The following RALYL variants were observed in gnomAD, a reference collection of about 807,000 sequenced individuals.
RALYL encodes RNA-binding Raly-like protein.
In RALYL, 29 loss-of-function variants were observed where a neutral mutation model predicts 35.1. That is an observed-to-expected ratio of 0.83 (90% CI 0.61 to 1.13). The LOEUF is 1.13. RALYL is among the 50% of genes most tolerant of loss of function. The probability of loss-of-function intolerance (pLI) is 0.00; values close to 1 mark genes in which losing one functional copy is unlikely to be tolerated. For synonymous variants in RALYL, 120 were observed against 127.6 expected (o/e 0.94, Z 0.40); for missense variants, 359 against 360.4 (o/e 1.00, Z 0.03).
intron 1 of RALYL, among the ~76,000 whole-genome samples, chr8:84,409,803 C>G (rs529748274): frequency 6.6e-6 from 1 of 151,900 alleles, no homozygotes; most frequent in Admixed American, 6.6e-5. Flanking sequence ...GAGCACAAAT[C>G]CACTTTTTCT....
At chr8:84,848,382 TTTGTG>T (rs1835089366) in intron 4 of RALYL, among the ~76,000 whole-genome samples, 2 of 151,204 alleles carry the variant, frequency 1.3e-5, no homozygotes, top group Admixed American at 6.6e-5. Flanking sequence ...TTTTAAATAT[TTTGTG>T]TGTGTGTGTG....
At chr8:84,783,662 G>A (rs530056251) in intron 3 of RALYL, among the ~76,000 whole-genome samples, 5 of 152,240 alleles carry the variant, frequency 3.3e-5, no homozygotes, top group Non-Finnish European at 5.9e-5. Flanking sequence ...CCAGGTCCTT[G>A]AGAAAGACAT....
At chr8:84,393,386 T>A (rs1861127051) in intron 1 of RALYL, among the ~76,000 whole-genome samples, 1 of 152,038 alleles carries the variant, frequency 6.6e-6, no homozygotes, top group African/African-American at 2.4e-5. Context: ...TGTGACTCCT[T>A]CATCAAAGAG....
intron 2 of RALYL, among the ~76,000 whole-genome samples, chr8:84,696,454 T>C (rs992919457): frequency 1.3e-5 from 2 of 151,896 alleles, no homozygotes; most frequent in African/African-American, 4.8e-5. Flanking sequence ...TTAAATGGTC[T>C]TAGAAGCTGG....
chr8:84,657,227 G>A (rs1830112400), intron 2 of RALYL, among the ~76,000 whole-genome samples: 1 of 152,108 alleles, frequency 6.6e-6, no homozygotes, highest in Non-Finnish European at 1.5e-5. Context: ...TCCATCTCCT[G>A]TACCGTTTAA....
At chr8:84,759,164 A>T (rs577122059) in intron 2 of RALYL, among the ~76,000 whole-genome samples, 20 of 152,138 alleles carry the variant, frequency 1.3e-4, no homozygotes, top group Admixed American at 8.5e-4. Context: ...ATGTGAATGT[A>T]CCCAGATTAT....
At chr8:84,802,851 G>T (rs1360856060) in intron 3 of RALYL, among the ~76,000 whole-genome samples, 1 of 152,120 alleles carries the variant, frequency 6.6e-6, no homozygotes, top group East Asian at 1.9e-4. Context: ...ATTTCGGAGA[G>T]ACTAACTAGG....
chr8:84,411,621 T>G (rs933077178), intron 1 of RALYL, among the ~76,000 whole-genome samples: 1 of 152,082 alleles, frequency 6.6e-6, no homozygotes, highest in East Asian at 1.9e-4. Flanking sequence ...TGTGATAATC[T>G]ATGTAAAGCA....
intron 2 of RALYL, among the ~76,000 whole-genome samples, chr8:84,552,776 T>G (rs145646564): frequency 1.3e-5 from 2 of 152,100 alleles, no homozygotes; most frequent in Admixed American, 1.3e-4. Flanking sequence ...ATGAAGTGCA[T>G]GTTCATGTCA....
intron 1 of RALYL, among the ~76,000 whole-genome samples, chr8:84,441,067 C>T (rs959137437): frequency 2.0e-5 from 3 of 151,544 alleles, no homozygotes; most frequent in Admixed American, 6.6e-5. Context: ...TATGTTTTGC[C>T]GATCTAATAG....
At chr8:84,797,072 G>T (rs1301756943) in intron 3 of RALYL, among the ~76,000 whole-genome samples, 2 of 152,150 alleles carry the variant, frequency 1.3e-5, no homozygotes, top group South Asian at 4.1e-4. Flanking sequence ...AAGTTATTTG[G>T]CTCACAGTTC....
chr8:84,490,078 CATGTGTGTGT>C (rs1383718625), intron 1 of RALYL, among the ~76,000 whole-genome samples: 145 of 91,928 alleles, frequency 1.6e-3, no homozygotes, highest in African/African-American at 4.9e-3. Flanking sequence ...TGCTTGCGTG[CATGTGTGTGT>C]GTGTGTGTGT....
At chr8:84,480,124 TA>T (rs1190466883) in intron 1 of RALYL, among the ~76,000 whole-genome samples, 16 of 152,184 alleles carry the variant, frequency 1.1e-4, no homozygotes, top group Non-Finnish European at 2.1e-4. Flanking sequence ...TTGTGTCAAA[TA>T]AATAGTATTT....
At chr8:84,572,764 A>G (rs1408035201) in intron 2 of RALYL, among the ~76,000 whole-genome samples, 1 of 151,834 alleles carries the variant, frequency 6.6e-6, no homozygotes, top group African/African-American at 2.4e-5. Flanking sequence ...AAAATGATTC[A>G]GTCTTAAGAT....
At chr8:84,557,538 G>T (rs1173040599) in intron 2 of RALYL, among the ~76,000 whole-genome samples, 2 of 152,120 alleles carry the variant, frequency 1.3e-5, no homozygotes, top group Non-Finnish European at 2.9e-5. Flanking sequence ...TAGAGCTTAT[G>T]CATTCTCTAT....
intron 1 of RALYL, among the ~76,000 whole-genome samples, chr8:84,293,956 C>G (rs1004213160): frequency 6.6e-6 from 1 of 152,050 alleles, no homozygotes; most frequent in Non-Finnish European, 1.5e-5. Context: ...ACCAAAACAA[C>G]CTGTAACATT....
At chr8:84,315,779 A>G (rs922837120) in intron 1 of RALYL, among the ~76,000 whole-genome samples, 10 of 151,834 alleles carry the variant, frequency 6.6e-5, no homozygotes, top group African/African-American at 2.4e-4. Context: ...AAAATATTTA[A>G]TTTGAGCAAG....
chr8:84,724,836 A>C (rs1844641157), intron 2 of RALYL, among the ~76,000 whole-genome samples: 1 of 151,760 alleles, frequency 6.6e-6, no homozygotes, highest in Admixed American at 6.6e-5. Flanking sequence ...TCCTTAATTA[A>C]ATACTAAGTA....
rs1005386494 is a variant in RALYL at position 84,634,304 on chromosome 8, CT to C, written c.256+104728del. Among the ~76,000 whole-genome samples, 6 of 151,936 alleles carry C rather than the reference CT, an allele frequency of 3.9e-5. No homozygotes were observed. In the East Asian group the frequency reaches 5.8e-4, roughly 15 times the overall value. Reference sequence around the variant, plus strand: ...TTTGTCTGCCAATAATACTCTTCCCCTGTCTTTGTGTCTGCCTTTCAAAGGC... The same window carrying C: ...TTTGTCTGCCAATAATACTCTTCCCCGTCTTTGTGTCTGCCTTTCAAAGGC... On this transcript the variant is annotated intron_variant, in intron 2 of 8. Transcript: ENST00000521268.
Sources: gnomAD v4.1 joint callset for allele counts (sites outside exome capture counted in the v4.1 genomes callset) on GRCh38, gnomAD v4.1.1 for gene constraint, MANE v1.5 for transcripts, NCBI Gene and HGNC (gene_info 2026-07-23, HGNC 2026-07-21) for gene names.